BOLL: variants seen among roughly 807,000 people sequenced by gnomAD.
BOLL encodes protein boule-like.
BOLL carries 23 observed loss-of-function variants against 44.4 expected under a neutral mutation model. The observed-to-expected ratio is 0.52, with a 90% CI of 0.37 to 0.73. BOLL has a LOEUF of 0.73. Among genes scored for constraint, BOLL ranks in the 30% least tolerant of loss-of-function variants. The pLI, the probability that BOLL is intolerant of heterozygous loss-of-function variation, is 0.00. For synonymous variants in BOLL, 97 were observed against 110.8 expected (o/e 0.88, Z 0.78); for missense variants, 287 against 338.3 (o/e 0.85, Z 1.19).
At chr2:197,780,890 A>G (rs1297732856) in intron 2 of BOLL, among the ~76,000 whole-genome samples, 2 of 152,068 alleles carry the variant, frequency 1.3e-5, no homozygotes, top group African/African-American at 4.8e-5. Flanking sequence ...TCCACTTAAA[A>G]TATCTATGCA....
intron 9 of BOLL, among the ~76,000 whole-genome samples, chr2:197,745,902 A>G (rs2106330947): frequency 6.6e-6 from 1 of 152,324 alleles, no homozygotes; most frequent in East Asian, 1.9e-4. Flanking sequence ...AGCACAAAAT[A>G]TCTCCACAGA....
chr2:197,781,514 G>A (rs1401502501), intron 2 of BOLL, among the ~76,000 whole-genome samples: 1 of 152,064 alleles, frequency 6.6e-6, no homozygotes, highest in Non-Finnish European at 1.5e-5. Flanking sequence ...AGTCAGTGAG[G>A]ATCAATTTCT....
chr2:197,770,499 A>G (rs1336437582), intron 6 of BOLL, among the ~76,000 whole-genome samples: 4 of 152,194 alleles, frequency 2.6e-5, no homozygotes, highest in African/African-American at 9.7e-5. Context: ...GACAAATGGG[A>G]TCTAATTAAA....
chr2:197,744,974 C>A (rs1687923313), intron 9 of BOLL, among the ~76,000 whole-genome samples: 1 of 152,066 alleles, frequency 6.6e-6, no homozygotes, highest in Non-Finnish European at 1.5e-5. Flanking sequence ...TCGCAAGAGG[C>A]AGAAATAACC....
chr2:197,762,504 GAAACA>G (rs1362978738), intron 7 of BOLL, among the ~76,000 whole-genome samples: 7 of 151,654 alleles, frequency 4.6e-5, no homozygotes. Context: ...CATATTTCAG[GAAACA>G]AAACAAGTCT....
chr2:197,763,929 A>C (rs1258211738), intron 7 of BOLL, among the ~76,000 whole-genome samples: 1 of 152,240 alleles, frequency 6.6e-6, no homozygotes, highest in East Asian at 1.9e-4. Context: ...GCTAACAAAT[A>C]CATGAAAAAA....
intron 9 of BOLL, among the ~76,000 whole-genome samples, chr2:197,753,515 G>C (rs763685560): frequency 2.0e-5 from 3 of 152,168 alleles, no homozygotes; most frequent in Non-Finnish European, 4.4e-5. Flanking sequence ...TATTTATGTG[G>C]CCACCAAACA....
At chr2:197,754,030 A>G (rs756033542) in intron 9 of BOLL, among the ~76,000 whole-genome samples, 2 of 152,276 alleles carry the variant, frequency 1.3e-5, no homozygotes, top group Middle Eastern at 6.8e-3. Context: ...GCAAACTAAC[A>G]CAGGAACAGA....
At position 197,732,644 on chromosome 2, in the gene BOLL, G is replaced by A. The variant is rs1035902463; in HGVS notation, c.829-4066C>T. On this transcript the variant is annotated intron_variant, in intron 10 of 10. Coordinates refer to ENST00000392296, the MANE Select transcript of BOLL (RefSeq NM_033030.6). ...AGTGGGCTTCATCCCTGGGATGCAA[G>A]ACTGGTTCAATATACGCAAATCAAT... Among the ~76,000 whole-genome samples, 120 of 150,494 alleles carry A rather than the reference G, an allele frequency of 8.0e-4. 1 individual carries two copies. Among genetic ancestry groups the A allele is most frequent in the African/African-American group, 2.9e-3 (118 of 41,332 alleles).
chr2:197,737,799 T>C (rs1687562630), intron 10 of BOLL, among the ~76,000 whole-genome samples: 1 of 152,126 alleles, frequency 6.6e-6, no homozygotes, highest in Non-Finnish European at 1.5e-5. Context: ...GTAGTTCAGA[T>C]CCCTCTCCAA....
At chr2:197,742,964 T>C in intron 10 of BOLL, 97 bp downstream of exon 10, 1 of 856,486 alleles carries the variant, frequency 1.2e-6, no homozygotes, top group Non-Finnish European at 1.7e-6. Flanking sequence ...AAGTGTGATG[T>C]AAATATCCAA....
chr2:197,749,517 T>C (rs1293405714), intron 9 of BOLL, among the ~76,000 whole-genome samples: 1 of 151,882 alleles, frequency 6.6e-6, no homozygotes, highest in Non-Finnish European at 1.5e-5. Context: ...CCAACTAGAA[T>C]AGCTAGTTTA....
At chr2:197,786,190 G>A, upstream of BOLL, 2 of 815,632 alleles carry the variant, frequency 2.5e-6, no homozygotes, top group Non-Finnish European at 3.6e-6. The surrounding 1 kb of genome is among the most constrained non-coding windows in gnomAD (Gnocchi z 5.9). Context: ...CCTGGCGGGT[G>A]GGGAGAAGCG....
At chr2:197,747,986 C>A (rs959425569) in intron 9 of BOLL, among the ~76,000 whole-genome samples, 6 of 152,118 alleles carry the variant, frequency 3.9e-5, no homozygotes, top group African/African-American at 1.2e-4. Context: ...AGCTCTGGTC[C>A]GCAGCTTCCA....
intron 5 of BOLL, among the ~76,000 whole-genome samples, 183 bp downstream of exon 5, chr2:197,775,482 A>G (rs976599791): frequency 4.4e-5 from 3 of 68,562 alleles, no homozygotes; most frequent in Admixed American, 2.4e-4. Context: ...ATTTTTTCCC[A>G]GCCAAAAAAA....
At chr2:197,734,426 C>T (rs925872834) in intron 10 of BOLL, among the ~76,000 whole-genome samples, 1 of 152,278 alleles carries the variant, frequency 6.6e-6, no homozygotes, top group South Asian at 2.1e-4. Context: ...GGATCTAGAA[C>T]TAGAAATACC....
intron 10 of BOLL, among the ~76,000 whole-genome samples, chr2:197,741,631 C>T (rs891451799): frequency 6.6e-6 from 1 of 152,060 alleles, no homozygotes; most frequent in African/African-American, 2.4e-5. Context: ...GAAACTGGAT[C>T]CCTTCCTTAC....
intron 5 of BOLL, 117 bp from the exon 6 acceptor site, chr2:197,772,099 A>G: frequency 1.2e-6 from 1 of 816,742 alleles, no homozygotes; most frequent in Non-Finnish European, 1.7e-6. Flanking sequence ...TATGGTAAAA[A>G]TTGAATGTCA....
At chr2:197,732,398 C>G (rs1687233995) in intron 10 of BOLL, among the ~76,000 whole-genome samples, 1 of 152,134 alleles carries the variant, frequency 6.6e-6, no homozygotes, top group Admixed American at 6.5e-5. Context: ...ACAACTGGTA[C>G]CATTCCTTCT....
Sources: gnomAD v4.1 joint callset for allele counts (sites outside exome capture counted in the v4.1 genomes callset) on GRCh38, gnomAD v4.1.1 for gene constraint, Gnocchi (gnomAD v3.1) non-coding constraint, MANE v1.5 for transcripts, NCBI Gene and HGNC (gene_info 2026-07-23, HGNC 2026-07-21) for gene names.